The following CAMK1D variants were observed in gnomAD, a reference collection of about 807,000 sequenced individuals.
CAMK1D encodes the protein calcium/calmodulin-dependent protein kinase type 1D.
Under a neutral mutation model 47.7 loss-of-function variants are expected in CAMK1D, and 9 were observed. The observed-to-expected ratio is 0.19, with a 90% CI of 0.11 to 0.33. The LOEUF is 0.33. CAMK1D is among the 10% of genes least tolerant of loss of function. The probability of loss-of-function intolerance (pLI) is 1.00; values close to 1 mark genes in which losing one functional copy is unlikely to be tolerated. For synonymous variants in CAMK1D, 184 were observed against 184.9 expected (o/e 0.99, Z 0.04); for missense variants, 291 against 488.7 (o/e 0.60, Z 3.81).
intron 2 of CAMK1D, among the ~76,000 whole-genome samples, chr10:12,570,661 C>T (rs973039210): frequency 6.2e-5 from 4 of 64,100 alleles, no homozygotes; most frequent in Admixed American, 6.1e-4. Context: ...GCTTGGGCAA[C>T]AAAAGTGAAA....
At chr10:12,444,142 C>G (rs1481166189) in intron 1 of CAMK1D, among the ~76,000 whole-genome samples, 1 of 152,154 alleles carries the variant, frequency 6.6e-6, no homozygotes, top group African/African-American at 2.4e-5. Flanking sequence ...CAGCCGGCTT[C>G]TTTACTGCAA....
chr10:12,699,356 C>T, intron 3 of CAMK1D, among the ~76,000 whole-genome samples: 1 of 152,024 alleles, frequency 6.6e-6, no homozygotes, highest in East Asian at 1.9e-4. Flanking sequence ...TCTGATTGTG[C>T]TTTTTCTGGG....
chr10:12,603,597 C>T (rs1838368540), intron 2 of CAMK1D, among the ~76,000 whole-genome samples: 1 of 152,166 alleles, frequency 6.6e-6, no homozygotes. Context: ...GAGAACACGG[C>T]TCCAGGACAG....
chr10:12,472,049 G>A (rs1461363823), intron 1 of CAMK1D, among the ~76,000 whole-genome samples: 2 of 145,300 alleles, frequency 1.4e-5, no homozygotes, highest in Admixed American at 1.4e-4. Context: ...AAAAAAAAAA[G>A]AAAAAGAAAA....
intron 6 of CAMK1D, among the ~76,000 whole-genome samples, chr10:12,812,087 C>T (rs1040653333): frequency 1.3e-5 from 2 of 152,238 alleles, no homozygotes; most frequent in African/African-American, 4.8e-5. Context: ...CACGCCCCTG[C>T]GCAGCGATGG....
intron 5 of CAMK1D, among the ~76,000 whole-genome samples, chr10:12,789,012 G>A (rs1837858838): frequency 6.6e-6 from 1 of 152,252 alleles, no homozygotes. Flanking sequence ...CATAGGCAGA[G>A]GCGCTCAGCA....
At chr10:12,732,586 G>A (rs1316122854) in intron 3 of CAMK1D, among the ~76,000 whole-genome samples, 3 of 151,986 alleles carry the variant, frequency 2.0e-5, no homozygotes, top group South Asian at 2.1e-4. Flanking sequence ...GAAACCCCTG[G>A]TAAACCCATC....
chr10:12,454,389 C>T (rs1447048813), intron 1 of CAMK1D, among the ~76,000 whole-genome samples: 1 of 152,116 alleles, frequency 6.6e-6, no homozygotes, highest in Non-Finnish European at 1.5e-5. Context: ...GTCTCAATCT[C>T]CTGACCTTGT....
chr10:12,815,956 T>G (rs1832776969), intron 7 of CAMK1D, among the ~76,000 whole-genome samples: 1 of 152,176 alleles, frequency 6.6e-6, no homozygotes, highest in Non-Finnish European at 1.5e-5. Context: ...ACAAAGATAT[T>G]TCTTCTCTTC....
At chr10:12,705,563 C>T (rs921553935) in intron 3 of CAMK1D, among the ~76,000 whole-genome samples, 10 of 152,126 alleles carry the variant, frequency 6.6e-5, no homozygotes, top group Non-Finnish European at 1.2e-4. Context: ...CTTCCATGAA[C>T]GGTGTGTTCG....
chr10:12,724,154 A>C (rs1247043723), intron 3 of CAMK1D, among the ~76,000 whole-genome samples: 2 of 152,176 alleles, frequency 1.3e-5, no homozygotes, highest in Non-Finnish European at 1.5e-5. Context: ...ATGCCGGGCC[A>C]AATTTTTATA....
chr10:12,529,852 A>G (rs1835748593), intron 1 of CAMK1D, among the ~76,000 whole-genome samples: 1 of 152,214 alleles, frequency 6.6e-6, no homozygotes, highest in Admixed American at 6.5e-5. Flanking sequence ...TTCAGGATGA[A>G]TATGATTAAA....
At chr10:12,756,178 G>A (rs1836219786) in intron 3 of CAMK1D, among the ~76,000 whole-genome samples, 1 of 152,174 alleles carries the variant, frequency 6.6e-6, no homozygotes, top group African/African-American at 2.4e-5. Context: ...GATTATTGGA[G>A]CCTGCTTCCA....
chr10:12,462,378 A>C (rs933791995), intron 1 of CAMK1D, among the ~76,000 whole-genome samples: 8 of 151,604 alleles, frequency 5.3e-5, no homozygotes, highest in Admixed American at 3.3e-4. Context: ...GTTAGCCAGG[A>C]TGGTCTCCAT....
At chr10:12,802,654 G>A (rs969793601) in intron 6 of CAMK1D, among the ~76,000 whole-genome samples, 1 of 152,170 alleles carries the variant, frequency 6.6e-6, no homozygotes, top group Non-Finnish European at 1.5e-5. Context: ...CCGAGTAGCT[G>A]AGATTACAGC....
intron 2 of CAMK1D, among the ~76,000 whole-genome samples, chr10:12,599,556 T>G (rs1838242183): frequency 6.6e-6 from 1 of 152,192 alleles, no homozygotes; most frequent in Admixed American, 6.5e-5. Context: ...AGCAATGCAT[T>G]TGTGTTGGTT....
At chr10:12,679,361 T>G (rs1320611254) in intron 3 of CAMK1D, among the ~76,000 whole-genome samples, 1 of 152,152 alleles carries the variant, frequency 6.6e-6, no homozygotes, top group Non-Finnish European at 1.5e-5. Context: ...TTTATTTGAT[T>G]TAAGGATATA....
intron 1 of CAMK1D, among the ~76,000 whole-genome samples, chr10:12,520,737 G>A (rs1588584002): frequency 2.5e-5 from 1 of 40,494 alleles, no homozygotes; most frequent in Non-Finnish European, 5.0e-5. Flanking sequence ...GACCAGCCCG[G>A]CCAACACAGC....
At chr10:12,695,609 G>A (rs1269180428) in intron 3 of CAMK1D, among the ~76,000 whole-genome samples, 3 of 152,120 alleles carry the variant, frequency 2.0e-5, no homozygotes, top group Non-Finnish European at 4.4e-5. Flanking sequence ...GTCACTGTGG[G>A]ATGCAGTGCC....
Sources: allele counts gnomAD v4.1 joint callset (sites outside exome capture counted in the v4.1 genomes callset), GRCh38; gene constraint gnomAD v4.1.1; transcripts MANE v1.5; gene names NCBI Gene and HGNC (gene_info 2026-07-23, HGNC 2026-07-21).